PLCB1: variants seen among roughly 807,000 people sequenced by gnomAD.
PLCB1 encodes the protein phospholipase C beta 1, also known as 1-phosphatidylinositol 4,5-bisphosphate phosphodiesterase beta-1.
Under a neutral mutation model 161.8 loss-of-function variants are expected in PLCB1, and 46 were observed. The ratio of observed to expected loss-of-function variants is 0.28; its 90% CI spans 0.22 to 0.36. The LOEUF (loss-of-function observed/expected upper bound fraction) is 0.36. PLCB1 is among the 10% of genes least tolerant of loss of function. PLCB1 has a pLI of 1.00. For missense variants in PLCB1, 1,016 were observed against 1,472.5 expected (o/e 0.69, Z 5.07); for synonymous variants, 517 against 503.7 (o/e 1.03, Z -0.35).
At chr20:8,289,477 A>G (rs1983282936) in intron 2 of PLCB1, among the ~76,000 whole-genome samples, 1 of 152,174 alleles carries the variant, frequency 6.6e-6, no homozygotes, top group Non-Finnish European at 1.5e-5. Flanking sequence ...GCTCGGTGAA[A>G]TAGGTTCTAT....
At chr20:8,578,353 C>T (rs1356751522) in intron 3 of PLCB1, among the ~76,000 whole-genome samples, 1 of 152,120 alleles carries the variant, frequency 6.6e-6, no homozygotes, top group African/African-American at 2.4e-5. Flanking sequence ...TCTCAACAGT[C>T]CTTGATCTTT....
rs1018601406 is a variant in PLCB1 at position 8,488,106 on chromosome 20, A to G, written c.246+116656A>G. ...CAAAATAGTTACCTAATGCAGTTCAATACATTTTGATATGTTGTTATGATG... is the reference window on the plus strand; with the variant it reads ...CAAAATAGTTACCTAATGCAGTTCAGTACATTTTGATATGTTGTTATGATG... On this transcript the variant is annotated intron_variant, in intron 3 of 31. Coordinates refer to ENST00000338037, the MANE Select transcript of PLCB1 (RefSeq NM_015192.4). Among the ~76,000 whole-genome samples the G allele has an allele frequency of 5.9e-5, 9 of 152,228 alleles. No homozygotes were observed. In the East Asian group the frequency reaches 1.5e-3, roughly 26 times the overall value.
chr20:8,623,364 A>G (rs984396173), intron 3 of PLCB1, among the ~76,000 whole-genome samples: 3 of 152,166 alleles, frequency 2.0e-5, no homozygotes, highest in East Asian at 1.9e-4. Context: ...AGCTCAATCA[A>G]TTCAAGCCTG....
At chr20:8,236,809 C>A (rs562260500) in intron 2 of PLCB1, among the ~76,000 whole-genome samples, 94 of 151,752 alleles carry the variant, frequency 6.2e-4, no homozygotes, top group African/African-American at 2.0e-3. Context: ...TATGGGTAAA[C>A]GATATGAATG....
chr20:8,721,393 C>T (rs1979624845), intron 14 of PLCB1, among the ~76,000 whole-genome samples: 1 of 152,218 alleles, frequency 6.6e-6, no homozygotes, highest in Non-Finnish European at 1.5e-5. Flanking sequence ...AGAACAACCT[C>T]GCTGACTTTT....
chr20:8,188,203 G>A (rs1041717179), intron 2 of PLCB1, among the ~76,000 whole-genome samples: 7 of 152,092 alleles, frequency 4.6e-5, no homozygotes, highest in Admixed American at 3.3e-4. Flanking sequence ...TTTCATAGAT[G>A]GCAAAATACA....
chr20:8,660,553 G>A (rs765336731), intron 9 of PLCB1, among the ~76,000 whole-genome samples: 1 of 152,188 alleles, frequency 6.6e-6, no homozygotes, highest in East Asian at 1.9e-4. Context: ...GGTATCCAAT[G>A]CCTCCATACA....
intron 1 of PLCB1, among the ~76,000 whole-genome samples, chr20:8,148,467 T>C (rs1381756445): frequency 4.6e-5 from 7 of 152,212 alleles, no homozygotes; most frequent in Admixed American, 3.3e-4. Context: ...GTTAAGGATG[T>C]ATATATGGAA....
In PLCB1 at chr20:8,788,449, C is replaced by G; in HGVS notation, c.3112C>G (p.Leu1038Val). Residue 1038 changes from leucine (L) to valine (V), a missense_variant and splice_region_variant, in exon 28 of 32, where the codon CTT becomes GTT. This residue lies in a region of PLCB1 where 398 missense variants were observed against 445.4 expected (regional missense o/e 0.89). Transcript: ENST00000338037. Reference sequence around the variant, plus strand: ...GCAAACTGACATTTTCTTTTTCCAGCTTATTCAAAAGTTGACGGATGTCGC... The same window carrying G: ...GCAAACTGACATTTTCTTTTTCCAGGTTATTCAAAAGTTGACGGATGTCGC... The part of the protein sequence containing the change: ...KYQKREHIKL[L>V]IQKLTDVAEE... 2 of 1,612,240 alleles carry G rather than the reference C, an allele frequency of 1.2e-6. No individual in the cohort carries two copies. Among genetic ancestry groups the G allele is most frequent in the Non-Finnish European group, 1.7e-6 (2 of 1,179,390 alleles).
At chr20:8,670,425 C>G (rs1989914569) in intron 9 of PLCB1, among the ~76,000 whole-genome samples, 1 of 152,188 alleles carries the variant, frequency 6.6e-6, no homozygotes, top group Non-Finnish European at 1.5e-5. Flanking sequence ...TGCAAGCACA[C>G]AGAAAGCTGT....
chr20:8,589,610 C>CTTTTTTTT lies in PLCB1; in HGVS notation c.247-38667_247-38660dup, dbSNP rs71183102. Among the ~76,000 whole-genome samples, 43 of 80,126 alleles carry CTTTTTTTT rather than the reference C, an allele frequency of 5.4e-4. 1 individual carries two copies. The highest frequency in any genetic ancestry group is 2.1e-3 in the African/African-American group (41 of 19,654). The allele number at this position is 80,126 out of a possible 152,430, so 52.6% of individuals were successfully genotyped here. ...GGCTCTCTCTGGGGTCAATCTCTCTCTTTTTTTTTTTTTTTTTTTTTTTTG... is the reference window on the plus strand; with the variant it reads ...GGCTCTCTCTGGGGTCAATCTCTCTCTTTTTTTTTTTTTTTTTTTTTTTTTTTTTTTTG... On this transcript the variant is annotated intron_variant, in intron 3 of 31. Coordinates refer to ENST00000338037, the MANE Select transcript of PLCB1 (RefSeq NM_015192.4).
chr20:8,751,743 C>A (rs2123550171), intron 23 of PLCB1: 1 of 152,226 alleles, frequency 6.6e-6, no homozygotes. Flanking sequence ...GAAGTACTAC[C>A]ACCTTCTGAA....
At chr20:8,538,660 CTT>C (rs1489383637) in intron 3 of PLCB1, among the ~76,000 whole-genome samples, 1 of 152,032 alleles carries the variant, frequency 6.6e-6, no homozygotes, top group African/African-American at 2.4e-5. Flanking sequence ...ATAAGGTACT[CTT>C]TTATGTCAGA....
At chr20:8,485,457 C>G (rs1381459715) in intron 3 of PLCB1, among the ~76,000 whole-genome samples, 1 of 152,156 alleles carries the variant, frequency 6.6e-6, no homozygotes, top group Non-Finnish European at 1.5e-5. Flanking sequence ...TCTTCTTATT[C>G]TTAGGACAGA....
intron 2 of PLCB1, among the ~76,000 whole-genome samples, chr20:8,240,893 T>C (rs1267852757): frequency 1.3e-5 from 2 of 152,018 alleles, no homozygotes; most frequent in Non-Finnish European, 2.9e-5. Flanking sequence ...CTTTTCCTAT[T>C]CTTTACCAGC....
intron 2 of PLCB1, among the ~76,000 whole-genome samples, chr20:8,204,781 A>AT (rs1568589497): frequency 6.6e-6 from 1 of 152,172 alleles, no homozygotes; most frequent in African/African-American, 2.4e-5. Context: ...GAACAGCCTA[A>AT]TACACTGGGA....
chr20:8,627,272 T>C (rs913204099), intron 3 of PLCB1, among the ~76,000 whole-genome samples: 18 of 152,208 alleles, frequency 1.2e-4, no homozygotes, highest in African/African-American at 4.3e-4. Flanking sequence ...TCTTTCTTGG[T>C]TGTGTGTGGT....
At position 8,407,862 on chromosome 20, in the gene PLCB1, A is replaced by G. The variant is rs557488340; in HGVS notation, c.246+36412A>G. On this transcript the variant is annotated intron_variant, in intron 3 of 31. Transcript: ENST00000338037. ...ATTCCAGTCTAATCATGAGAAAATC[A>G]TCAGACAAATCCAGATTAAGGGATA... 2.8e-4 allele frequency among the ~76,000 whole-genome samples: 42 copies of G among 152,172 alleles called. 2 individuals carry two copies. The South Asian group carries it at 7.0e-3, about 26-fold the overall frequency.
At chr20:8,739,187 G>A (rs1470635448) in intron 20 of PLCB1, 74 bp from the exon 21 acceptor site, 6 of 935,628 alleles carry the variant, frequency 6.4e-6, no homozygotes, top group Non-Finnish European at 8.9e-6. Context: ...AGTCCTGATT[G>A]AATAATACCT....
Sources: gnomAD v4.1 joint callset for allele counts (sites outside exome capture counted in the v4.1 genomes callset) on GRCh38, gnomAD v4.1.1 for gene constraint, gnomAD v4.1.1 regional missense constraint, MANE v1.5 for transcripts, NCBI Gene and HGNC (gene_info 2026-07-23, HGNC 2026-07-21) for gene names.